Variants in ARAP2 observed in about 807,000 individuals in gnomAD.
The protein encoded by ARAP2 is arf-GAP with Rho-GAP domain, ANK repeat and PH domain-containing protein 2.
Under a neutral mutation model 194.5 loss-of-function variants are expected in ARAP2, and 148 were observed. The ratio of observed to expected loss-of-function variants is 0.76; its 90% confidence interval spans 0.67 to 0.87. ARAP2 has a LOEUF of 0.87. ARAP2 is among the 40% of genes least tolerant of loss of function. The probability of loss-of-function intolerance (pLI) is 0.00; values close to 1 mark genes in which losing one functional copy is unlikely to be tolerated. For missense variants in ARAP2, 2,128 were observed against 1,989.7 expected, an observed-to-expected ratio of 1.07 and a Z score of -1.32; for synonymous variants, 695 against 683.5, an observed-to-expected ratio of 1.02 and a Z score of -0.26.
At chr4:36,025,287 G>A (rs900826821) in intron 5 of ARAP2, among the ~76,000 whole-genome samples, 2 of 152,056 alleles carry the variant, frequency 1.3e-5, no homozygotes, top group Non-Finnish European at 2.9e-5. Context: ...CCCACCATAT[G>A]GATTTTAACA....
chr4:36,199,092 C>T (rs1389871056), intron 6 of ARAP2, among the ~76,000 whole-genome samples: 1 of 152,214 alleles, frequency 6.6e-6, no homozygotes, highest in African/African-American at 2.4e-5. Context: ...TCCCACTTGT[C>T]CTTGGCTCAC....
At chr4:36,166,904 G>A (rs150069257) in intron 10 of ARAP2, 28 bp downstream of exon 10, 12 of 1,435,384 alleles carry the variant, frequency 8.4e-6, no homozygotes, top group South Asian at 5.1e-5. Context: ...ATAGTAGTAC[G>A]AACACAAAAT....
chr4:36,161,487 A>G lies in ARAP2; in HGVS notation c.2237T>C (p.Ile746Thr), dbSNP rs752320344. The G allele has an allele frequency of 6.2e-7, 1 of 1,614,018 alleles. No homozygotes were observed. Among genetic ancestry groups the G allele is most frequent in the East Asian group, 2.2e-5 (1 of 44,884 alleles). Residue 746 changes from isoleucine to threonine, a missense_variant, in exon 12 of 33, where the codon ATT becomes ACT. Coordinates refer to ENST00000303965, the MANE Select transcript of ARAP2 (RefSeq NM_015230.4). ...CACCTCGATGAGTTCATTGCTCCAA[A>G]TGCTAGCATCCATTTTTAGACTTCT... ...KVRSLKMDAS[I>T]WSNELIELFI...
intron 3 of ARAP2, 94 bp downstream of exon 3, chr4:36,214,328 C>T: frequency 1.1e-6 from 1 of 952,280 alleles, no homozygotes; most frequent in Non-Finnish European, 1.6e-6. Flanking sequence ...GTTCCCTATA[C>T]CACAGGTGGG....
intron 6 of ARAP2, among the ~76,000 whole-genome samples, chr4:36,202,783 A>T (rs562673876): frequency 6.6e-6 from 1 of 152,314 alleles, no homozygotes; most frequent in South Asian, 2.1e-4. Flanking sequence ...AAAGACATCA[A>T]AGGGTTAAGA....
At chr4:36,051,513 TAATA>T (rs1423473168) in intron 3 of ARAP2, among the ~76,000 whole-genome samples, 46 of 151,862 alleles carry the variant, frequency 3.0e-4, no homozygotes, top group Non-Finnish European at 1.6e-4. Context: ...ACAATAATAA[TAATA>T]AATAAATACA....
intron 19 of ARAP2, among the ~76,000 whole-genome samples, chr4:36,146,710 T>G (rs1729705511): frequency 6.6e-6 from 1 of 152,096 alleles, no homozygotes; most frequent in Non-Finnish European, 1.5e-5. Flanking sequence ...TATTTTTCTG[T>G]GTAGAATTTA....
intron 24 of ARAP2, among the ~76,000 whole-genome samples, chr4:36,118,091 C>T (rs528813770): frequency 6.6e-6 from 1 of 151,008 alleles, no homozygotes; most frequent in East Asian, 2.0e-4. Flanking sequence ...GTGGGGAAAA[C>T]ATTAAAGATG....
chr4:36,238,002 G>A (rs769722949), intron 1 of ARAP2, among the ~76,000 whole-genome samples: 2 of 152,186 alleles, frequency 1.3e-5, no homozygotes, highest in Non-Finnish European at 2.9e-5. Flanking sequence ...GGTCAGGCCT[G>A]CTAACTTATT....
At chr4:36,125,684 A>C (rs1723720245) in intron 21 of ARAP2, among the ~76,000 whole-genome samples, 1 of 152,022 alleles carries the variant, frequency 6.6e-6, no homozygotes, top group Admixed American at 6.6e-5. Context: ...AAGAAGGCAA[A>C]TATCTGGAGA....
chr4:36,044,603 T>C (rs758952872), intron 5 of ARAP2, among the ~76,000 whole-genome samples: 7 of 152,026 alleles, frequency 4.6e-5, no homozygotes, highest in African/African-American at 7.2e-5. Flanking sequence ...GAGGAAAACA[T>C]AGCAGAAAAG....
chr4:36,214,378 C>T (rs1368863814), intron 3 of ARAP2, 44 bp downstream of exon 3: 10 of 1,519,096 alleles, frequency 6.6e-6, no homozygotes, highest in Non-Finnish European at 8.1e-6. Flanking sequence ...TTAAGACTAT[C>T]AAATGAGCTC....
At chr4:36,213,398 T>A in intron 3 of ARAP2, 79 bp from the exon 4 acceptor site, 1 of 1,127,538 alleles carries the variant, frequency 8.9e-7, no homozygotes, top group Non-Finnish European at 1.3e-6. Context: ...ATTAAAAGCA[T>A]GAGTTTTTTA....
At chr4:36,165,574 C>CT (rs879852549) in intron 10 of ARAP2, among the ~76,000 whole-genome samples, 107 of 144,170 alleles carry the variant, frequency 7.4e-4, no homozygotes, top group East Asian at 3.6e-3. Flanking sequence ...AGAATAGATT[C>CT]TTTTTTTTTT....
intron 2 of ARAP2, among the ~76,000 whole-genome samples, chr4:36,222,259 G>A (rs1459707833): frequency 6.6e-6 from 1 of 151,928 alleles, no homozygotes; most frequent in Non-Finnish European, 1.5e-5. Flanking sequence ...CAGAACATAA[G>A]GCAGTGGCCT....
intron 5 of ARAP2, among the ~76,000 whole-genome samples, chr4:36,033,431 G>T (rs1208781904): frequency 6.6e-6 from 1 of 151,654 alleles, no homozygotes; most frequent in African/African-American, 2.4e-5. Flanking sequence ...TATGCTTGTT[G>T]ACAAGTATGT....
rs144686008 is a variant in ARAP2 at position 36,019,485 on chromosome 4, C to T, written n.608-199G>A. ...ACAATTTTAGGAATTGTGATACTCG[C>T]GATGATGGAAGATTGACCTGGAACA... On this transcript the variant is annotated intron_variant and non_coding_transcript_variant, in intron 5 of 12. Transcript: ENST00000503225. Among the ~76,000 whole-genome samples the T allele has an allele frequency of 2.8e-4, 41 of 149,052 alleles. No individual in the cohort carries two copies. The East Asian group carries it at 3.5e-3, about 13-fold the overall frequency.
At chr4:36,021,065 C>T (rs1032987036) in intron 5 of ARAP2, among the ~76,000 whole-genome samples, 5 of 152,094 alleles carry the variant, frequency 3.3e-5, no homozygotes, top group South Asian at 2.1e-4. Flanking sequence ...AAAGATGATA[C>T]GTATCCTTGG....
intron 6 of ARAP2, among the ~76,000 whole-genome samples, chr4:36,200,136 A>C (rs961316010): frequency 6.6e-6 from 1 of 152,194 alleles, no homozygotes; most frequent in African/African-American, 2.4e-5. Context: ...ATCAACATTC[A>C]ATTAGTTGTT....
Sources: gnomAD v4.1 joint callset for allele counts (sites outside exome capture counted in the v4.1 genomes callset) on GRCh38, gnomAD v4.1.1 for gene constraint, MANE v1.5 for transcripts, NCBI Gene and HGNC (gene_info 2026-07-23, HGNC 2026-07-21) for gene names.